Variants in WIPI1 observed in about 807,000 individuals in gnomAD.
The protein encoded by WIPI1 is WD repeat domain, phosphoinositide interacting 1, also known as WD repeat domain phosphoinositide-interacting protein 1.
A neutral mutation model predicts 55.3 loss-of-function variants in WIPI1; 45 were observed. The observed-to-expected ratio is 0.81, with a 90% CI of 0.64 to 1.04. WIPI1 has a LOEUF of 1.04. WIPI1 is among the 50% of genes least tolerant of loss of function. WIPI1 has a pLI of 0.00. For synonymous variants in WIPI1, 195 were observed against 217.6 expected (o/e 0.90, Z 0.92); for missense variants, 445 against 559.0 (o/e 0.80, Z 2.06).
At chr17:68,431,737 G>A (rs367691318) in intron 8 of WIPI1, among the ~76,000 whole-genome samples, 9 of 152,284 alleles carry the variant, frequency 5.9e-5, no homozygotes, top group African/African-American at 1.7e-4. Flanking sequence ...CGTGTGAGCC[G>A]TAACCGCCGG....
intron 12 of WIPI1, among the ~76,000 whole-genome samples, chr17:68,425,256 T>C (rs1490419606): frequency 6.6e-6 from 1 of 152,164 alleles, no homozygotes; most frequent in Non-Finnish European, 1.5e-5. Context: ...TAGGCTGGAG[T>C]GCAGTGGCAC....
intron 12 of WIPI1, 145 bp downstream of exon 12, chr17:68,425,930 T>C (rs1568620279): frequency 1.5e-5 from 10 of 669,660 alleles, no homozygotes; most frequent in Non-Finnish European, 2.6e-5. Context: ...ACAACAAATA[T>C]CCTATGGCTT....
intron 10 of WIPI1, 30 bp from the exon 11 acceptor site, chr17:68,427,283 G>A: frequency 1.3e-6 from 2 of 1,549,672 alleles, no homozygotes; most frequent in Admixed American, 1.7e-5. Context: ...GGAGGTGAAA[G>A]AAAAAAGAAA....
At chr17:68,448,287 C>T (rs924931039) in intron 3 of WIPI1, 1 of 152,148 alleles carries the variant, frequency 6.6e-6, no homozygotes, top group Admixed American at 6.6e-5. Context: ...AAAAGCAAAC[C>T]CCCAATACTT....
At chr17:68,435,072 C>A (rs1292547326) in intron 6 of WIPI1, among the ~76,000 whole-genome samples, 2 of 152,052 alleles carry the variant, frequency 1.3e-5, no homozygotes, top group Admixed American at 1.3e-4. Context: ...CCAGGCGTGG[C>A]AGCATGTGCC....
chr17:68,426,995 G>A, intron 11 of WIPI1, 140 bp downstream of exon 11: 1 of 691,744 alleles, frequency 1.4e-6, no homozygotes, highest in South Asian at 1.8e-5. Context: ...TCCACCCCCA[G>A]GTAACAGTGA....
chr17:68,448,149 T>G (rs1271820436), intron 3 of WIPI1, among the ~76,000 whole-genome samples: 1 of 152,140 alleles, frequency 6.6e-6, no homozygotes, highest in Non-Finnish European at 1.5e-5. Flanking sequence ...ACACTCCCCT[T>G]GGGCCTTTAT....
intron 8 of WIPI1, among the ~76,000 whole-genome samples, chr17:68,431,742 C>A (rs371631179): frequency 6.6e-6 from 1 of 152,266 alleles, no homozygotes. Flanking sequence ...GAGCCGTAAC[C>A]GCCGGGGACA....
Position 68,433,543 on chromosome 17 carries a change from A to G in WIPI1, c.725T>C (p.Met242Thr). 6.2e-7 allele frequency: 1 copy of G among 1,614,040 alleles called. No individual in the cohort carries two copies. The highest frequency in any genetic ancestry group is 8.5e-7 in the Non-Finnish European group (1 of 1,180,022). ...YVTISSLVFS[M>T]DSQFLCASSN... ...GGAGGCGCAGAGGAATTGTGAATCC[A>G]TACTGAACACTAGAGAGCTGATTGT... The change falls in exon 8 of 13, where the codon ATG becomes ACG. Residue 242 changes from methionine to threonine, a missense_variant. By Grantham distance (81) the Met-to-Thr change is moderately conservative. Transcript: ENST00000262139.
At chr17:68,449,227 C>G (rs1332607955) in intron 3 of WIPI1, among the ~76,000 whole-genome samples, 1 of 152,188 alleles carries the variant, frequency 6.6e-6, no homozygotes, top group African/African-American at 2.4e-5. Flanking sequence ...TGTTTATTTA[C>G]TTATTTAACA....
chr17:68,435,876 G>C (rs2083760564), intron 5 of WIPI1, among the ~76,000 whole-genome samples, 164 bp from the exon 6 acceptor site: 1 of 152,156 alleles, frequency 6.6e-6, no homozygotes, highest in African/African-American at 2.4e-5. Context: ...TCATTTTCTG[G>C]TGAATCAAGA....
At chr17:68,446,434 G>A (rs1360544425) in intron 3 of WIPI1, among the ~76,000 whole-genome samples, 2 of 151,884 alleles carry the variant, frequency 1.3e-5, no homozygotes, top group Non-Finnish European at 2.9e-5. Flanking sequence ...CTCCTGCCTC[G>A]GCCTCCCAAA....
intron 1 of WIPI1, among the ~76,000 whole-genome samples, chr17:68,454,511 C>T (rs935028284): frequency 5.3e-5 from 8 of 152,156 alleles, no homozygotes; most frequent in Non-Finnish European, 1.0e-4. Flanking sequence ...GGTGACGTCT[C>T]GCAGCCCTCC....
intron 11 of WIPI1, 79 bp from the exon 12 acceptor site, chr17:68,426,254 G>GGCCCC: frequency 3.7e-6 from 3 of 816,914 alleles, no homozygotes; most frequent in Non-Finnish European, 3.9e-6. Context: ...GGGAGCGGGG[G>GGCCCC]CTCAAATAAA....
intron 1 of WIPI1, 77 bp from the exon 2 acceptor site, chr17:68,453,069 GC>G (rs1435742222): frequency 9.1e-6 from 11 of 1,209,840 alleles, no homozygotes; most frequent in Non-Finnish European, 1.3e-5. Context: ...GATGCCTTTT[GC>G]CCCCTAGCCT....
chr17:68,427,069 GT>G (rs2083244879), intron 11 of WIPI1, 65 bp downstream of exon 11: 1 of 1,334,460 alleles, frequency 7.5e-7, no homozygotes, highest in African/African-American at 1.4e-5. Flanking sequence ...GGGAGGGAGC[GT>G]GCAGGGAGAA....
chr17:68,421,871 A>G, intron 12 of WIPI1, 51 bp from the exon 13 acceptor site: 1 of 1,611,768 alleles, frequency 6.2e-7, no homozygotes, highest in South Asian at 1.1e-5. Flanking sequence ...AGAGGCTGGT[A>G]GGCAGGTGCA....
intron 3 of WIPI1, among the ~76,000 whole-genome samples, chr17:68,449,240 C>T (rs1196724944): frequency 6.6e-6 from 1 of 152,200 alleles, no homozygotes; most frequent in Non-Finnish European, 1.5e-5. Flanking sequence ...ATTTAACAGT[C>T]AGTCAGGAAA....
intron 1 of WIPI1, among the ~76,000 whole-genome samples, chr17:68,453,537 G>C (rs1185215801): frequency 2.7e-5 from 4 of 148,006 alleles, no homozygotes; most frequent in Non-Finnish European, 5.9e-5. Flanking sequence ...GGAGTGCAGT[G>C]GTGCCATCAC....
Sources: allele counts gnomAD v4.1 joint callset (sites outside exome capture counted in the v4.1 genomes callset), GRCh38; gene constraint gnomAD v4.1.1; transcripts MANE v1.5; gene names NCBI Gene and HGNC (gene_info 2026-07-23, HGNC 2026-07-21).